The following ZNF451 variants were observed in gnomAD, a reference collection of about 807,000 sequenced individuals.
ZNF451 encodes E3 SUMO-protein ligase ZNF451.
ZNF451 carries 80 observed loss-of-function variants against 107.1 expected under a neutral mutation model. That is an observed-to-expected ratio of 0.75 (90% CI 0.62 to 0.90). The LOEUF (loss-of-function observed/expected upper bound fraction) is 0.90. ZNF451 is among the 40% of genes least tolerant of loss of function. The probability of loss-of-function intolerance (pLI) is 0.00; values close to 1 mark genes in which losing one functional copy is unlikely to be tolerated. For synonymous variants in ZNF451, 362 were observed against 406.5 expected (o/e 0.89, Z 1.32); for missense variants, 1,107 against 1,236.2 (o/e 0.90, Z 1.57).
At chr6:57,098,031 G>C (rs1320393920) in intron 2 of ZNF451, among the ~76,000 whole-genome samples, 2 of 149,800 alleles carry the variant, frequency 1.3e-5, no homozygotes, top group East Asian at 4.0e-4. Flanking sequence ...GTGCAGTGGC[G>C]TGATCTTGGC....
intron 8 of ZNF451, among the ~76,000 whole-genome samples, chr6:57,141,669 C>A (rs1485064264): frequency 6.6e-6 from 1 of 152,178 alleles, no homozygotes; most frequent in East Asian, 1.9e-4. Flanking sequence ...CTGAAGAAAT[C>A]CTGGGAAGCA....
intron 13 of ZNF451, chr6:57,154,278 A>G: frequency 5.0e-6 from 3 of 598,096 alleles, no homozygotes; most frequent in Non-Finnish European, 8.9e-6. Context: ...GATCTAGTAG[A>G]TAAAATCTAT....
At chr6:57,168,369 G>A in intron 14 of ZNF451, 54 bp from the exon 15 acceptor site, 5 of 1,218,838 alleles carry the variant, frequency 4.1e-6, no homozygotes, top group South Asian at 2.6e-5. Context: ...AATAAATACA[G>A]CACATGTTGA....
chr6:57,147,689 C>T lies in ZNF451; in HGVS notation c.1604C>T (p.Thr535Ile), dbSNP rs778664155. 1.5e-5 allele frequency: 24 copies of T among 1,613,952 alleles called. No individual in the cohort carries two copies. Among genetic ancestry groups the T allele is most frequent in the Non-Finnish European group, 2.0e-5 (24 of 1,179,952 alleles). The stretch of plus-strand genomic sequence containing the variant: ...AATAACTTTCTTTTCTGGTGTCGGA[C>T]ATGCAAAAAGGAGTTAACAAGGAAA... ...HLNNFLFWCR[T>I]CKKELTRKDT... is the part of the protein sequence containing the mutation. The change falls in exon 10 of 15, where the codon ACA becomes ATA. Residue 535 changes from threonine to isoleucine, a missense_variant. Transcript: ENST00000370706.
chr6:57,109,921 G>C (rs758825124), intron 3 of ZNF451, among the ~76,000 whole-genome samples: 1 of 152,182 alleles, frequency 6.6e-6, no homozygotes, highest in Non-Finnish European at 1.5e-5. Context: ...TATTGAGAAA[G>C]GTCTGAGAAT....
At chr6:57,152,102 T>C in intron 11 of ZNF451, 119 bp from the exon 12 acceptor site, 7 of 822,274 alleles carry the variant, frequency 8.5e-6, no homozygotes, top group Non-Finnish European at 1.3e-5. Context: ...TCTTCCACAT[T>C]CTGATCTAGT....
At chr6:57,103,781 G>T in intron 3 of ZNF451, 1 of 985,212 alleles carries the variant, frequency 1.0e-6, no homozygotes, top group Non-Finnish European at 1.2e-6. Context: ...TGCCACAGTT[G>T]TTGCACAGTG....
Position 57,167,204 on chromosome 6 carries a change from CAT to C in ZNF451, c.3140-1213_3140-1212del, listed in dbSNP as rs58705880. ...ATATACACACACACACACACACACA[CAT>C]ATATACATATAACCTACTATCATTT... On this transcript the variant is annotated intron_variant, in intron 14 of 14. Transcript: ENST00000370706. Among the ~76,000 whole-genome samples the C allele has an allele frequency of 2.4e-3, 370 of 151,944 alleles. 1 individual carries two copies. Among genetic ancestry groups the C allele is most frequent in the African/African-American group, 8.5e-3 (354 of 41,480 alleles).
At chr6:57,119,256 G>A (rs1052422211) in intron 3 of ZNF451, among the ~76,000 whole-genome samples, 1 of 151,870 alleles carries the variant, frequency 6.6e-6, no homozygotes, top group Admixed American at 6.6e-5. Flanking sequence ...CCGGGGCGTG[G>A]TGGTGCACGC....
rs747874138 is a variant in ZNF451, at chr6:57,147,408, C to T, written c.1323C>T (p.Cys441=). 1 of 1,613,922 alleles carries T rather than the reference C, an allele frequency of 6.2e-7. No individual in the cohort carries two copies. The highest frequency in any genetic ancestry group is 8.5e-7 in the Non-Finnish European group (1 of 1,179,908). ...MSIKESSSLE[C]IAIPKKKMNL... The stretch of plus-strand genomic sequence containing the variant: ...TTAAAGAATCTAGCTCACTGGAGTG[C>T]ATTGCCATTCCAAAAAAGAAGATGA... Residue 441 remains cysteine (C), a synonymous_variant, in exon 10 of 15, where the codon TGC becomes TGT. Transcript: ENST00000370706.
intron 13 of ZNF451, among the ~76,000 whole-genome samples, chr6:57,155,830 TTTTTTTTTTA>T (rs1763396975): frequency 6.7e-6 from 1 of 148,496 alleles, no homozygotes; most frequent in African/African-American, 2.6e-5. Context: ...TTTTTTTTTT[TTTTTTTTTTA>T]ATCACTCATA....
chr6:57,140,833 T>C (rs1430303614), intron 7 of ZNF451, among the ~76,000 whole-genome samples: 1 of 152,216 alleles, frequency 6.6e-6, no homozygotes, highest in African/African-American at 2.4e-5. Flanking sequence ...CAGAAGAGCC[T>C]ATAAAATAAT....
At chr6:57,101,247 A>G (rs200136523) in intron 3 of ZNF451, 9 of 1,550,994 alleles carry the variant, frequency 5.8e-6, no homozygotes, top group Admixed American at 2.0e-5. Flanking sequence ...TGACATTACA[A>G]TCTGAAGCGG....
intron 3 of ZNF451, chr6:57,104,491 C>G (rs551904422): frequency 4.1e-6 from 4 of 985,200 alleles, no homozygotes; most frequent in Non-Finnish European, 4.8e-6. Context: ...ACTCTTATTT[C>G]AAACCTTAAA....
chr6:57,124,076 T>A (rs71564883), intron 3 of ZNF451, among the ~76,000 whole-genome samples: 5 of 152,240 alleles, frequency 3.3e-5, no homozygotes, highest in Non-Finnish European at 7.3e-5. Context: ...GCCTTGTTCC[T>A]TATCTTAGTG....
chr6:57,159,840 A>G lies in ZNF451; in HGVS notation c.3071-1244A>G, dbSNP rs187098827. Reference sequence around the variant, plus strand: ...TTAATTTTTATTTATAGACCCCTAAAGGGCTTTTTAATGTATATTTTAAGT... The same window carrying G: ...TTAATTTTTATTTATAGACCCCTAAGGGGCTTTTTAATGTATATTTTAAGT... On this transcript the variant is annotated intron_variant, in intron 13 of 14. Coordinates refer to ENST00000370706, the MANE Select transcript of ZNF451 (RefSeq NM_001031623.3). Among the ~76,000 whole-genome samples the G allele has an allele frequency of 2.3e-4, 35 of 152,310 alleles. 1 individual carries two copies. Among genetic ancestry groups the G allele is most frequent in the Admixed American group, 2.0e-3 (31 of 15,296 alleles).
chr6:57,158,606 A>G, intron 13 of ZNF451: 3 of 985,464 alleles, frequency 3.0e-6, no homozygotes, highest in Non-Finnish European at 3.6e-6. Context: ...GAAATTCACT[A>G]GAAACCTGCC....
In ZNF451 at chr6:57,151,137, G is replaced by A. The variant is rs149155083; in HGVS notation, c.2752+275G>A. ...AGAACTTTGGAAGGCTGAGGCGGACGGATCACGAGGTCAGAAGATCGAGAC... is the reference window on the plus strand; with the variant it reads ...AGAACTTTGGAAGGCTGAGGCGGACAGATCACGAGGTCAGAAGATCGAGAC... On this transcript the variant is annotated intron_variant, in intron 11 of 14. Transcript: ENST00000370706. 1,217 of 250,268 alleles carry A rather than the reference G, an allele frequency of 4.9e-3. 6 individuals carry two copies. The highest frequency in any genetic ancestry group is 6.7e-3 in the Non-Finnish European group (882 of 131,694). The allele number at this position is 250,268 out of a possible 1,614,324, so 15.5% of individuals were successfully genotyped here. A position where few individuals can be genotyped will look rare whatever the true frequency, so the allele number is the denominator to read the frequency against.
In ZNF451 at chr6:57,148,624, G is replaced by A. The variant is rs1485284224; in HGVS notation, c.2539G>A (p.Ala847Thr). 1.1e-5 allele frequency: 18 copies of A among 1,613,810 alleles called. No individual in the cohort carries two copies. The Admixed American group carries it at 2.8e-4, about 25-fold the overall frequency. Residue 847 changes from alanine (A) to threonine (T), a missense_variant, in exon 10 of 15, where the codon GCA becomes ACA. Physicochemically the swap from Ala to Thr is moderately conservative, Grantham distance 58. Transcript: ENST00000370706. ...ACATACAGAGAGAAAACTGAAACAG[G>A]CAATAAACTATTCAAAAAGTTTAGA... ...ASHTERKLKQ[A>T]INYSKSLDME...
Sources: allele counts gnomAD v4.1 joint callset (sites outside exome capture counted in the v4.1 genomes callset), GRCh38; gene constraint gnomAD v4.1.1; transcripts MANE v1.5; gene names NCBI Gene and HGNC (gene_info 2026-07-23, HGNC 2026-07-21).